RPL3: variants seen among roughly 807,000 people sequenced by gnomAD.
RPL3 encodes the protein large ribosomal subunit protein uL3.
A neutral mutation model predicts 46.0 loss-of-function variants in RPL3; 3 were observed. That is an observed-to-expected ratio of 0.07 (90% CI 0.03 to 0.17). The LOEUF (loss-of-function observed/expected upper bound fraction) is 0.17. Among genes scored for constraint, RPL3 ranks in the 10% least tolerant of loss-of-function variants. The pLI is 1.00. For missense variants in RPL3, 387 were observed against 532.7 expected (o/e 0.73, Z 2.69); for synonymous variants, 224 against 190.8 (o/e 1.17, Z -1.43).
chr22:39,319,477 C>A, intron 1 of RPL3, 118 bp downstream of exon 1: 2 of 1,367,380 alleles, frequency 1.5e-6, no homozygotes, highest in South Asian at 1.3e-5. Context: ...CCCGCTGGGT[C>A]GCCCGTGCCC....
Position 39,317,210 on chromosome 22 carries a change from T to A in RPL3, c.365+251A>T, listed in dbSNP as rs774985345. On this transcript the variant is annotated intron_variant, in intron 3 of 9. Transcript: ENST00000216146. ...TTCTGCTACCTCTCCTGGTTTCTAG[T>A]TGGACTCCTCAACCAACTGGGTCCT... 5 of 575,062 alleles carry A rather than the reference T, an allele frequency of 8.7e-6. No homozygotes were observed. In the Admixed American group the frequency reaches 1.6e-4, roughly 18 times the overall value. 35.6% of individuals were successfully genotyped at this position (575,062 alleles called of 1,614,324 possible). A position where few individuals can be genotyped will look rare whatever the true frequency, so the allele number is the denominator to read the frequency against.
chr22:39,317,644 C>T lies in RPL3; in HGVS notation c.197-15G>A, dbSNP rs772460117. ...CTTGTTCACCTCTGCAAAAAAAAAGCAGTAGTCAGACTTGGCAGGAGCCCA... is the reference window on the plus strand; with the variant it reads ...CTTGTTCACCTCTGCAAAAAAAAAGTAGTAGTCAGACTTGGCAGGAGCCCA... On this transcript the variant is annotated splice_polypyrimidine_tract_variant and intron_variant, in intron 2 of 9. Coordinates refer to ENST00000216146, the MANE Select transcript of RPL3 (RefSeq NM_000967.4). The T allele has an allele frequency of 6.2e-7, 1 of 1,610,878 alleles. No homozygotes were observed. Among genetic ancestry groups the T allele is most frequent in the South Asian group, 1.1e-5 (1 of 90,986 alleles).
rs1922717472 is a variant in RPL3 at position 39,316,719 on chromosome 22, A to G, written c.488T>C (p.Ile163Thr). 6.2e-7 allele frequency: 1 copy of G among 1,612,400 alleles called. No individual in the cohort carries two copies. The highest frequency in any genetic ancestry group is 8.5e-7 in the Non-Finnish European group (1 of 1,179,864). ...CACTGGGCTCACCTGGGTGTGGGCA[A>G]TGACACGGATGACTTGGCAGTACTT... ...MKKYCQVIRV[I>T]AHTQMRLLPL... Residue 163 changes from isoleucine to threonine, a missense_variant, in exon 4 of 10, where the codon ATT becomes ACT. By Grantham distance (89) the Ile-to-Thr change is moderately conservative. Around this residue, in one of 5 missense-constraint regions of RPL3, gnomAD observed 196 missense variants for 217.5 expected, o/e 0.90. Coordinates refer to ENST00000216146, the MANE Select transcript of RPL3 (RefSeq NM_000967.4).
chr22:39,319,214 T>A (rs11912049), intron 1 of RPL3: 27,606 of 531,460 alleles, frequency 0.052, 1,584 homozygotes, highest in African/African-American at 0.21. Context: ...TACCTCCCAA[T>A]GAGAACGGCG....
At chr22:39,313,455 C>G in intron 8 of RPL3, 145 bp from the exon 9 acceptor site, 1 of 1,388,984 alleles carries the variant, frequency 7.2e-7, no homozygotes, top group Non-Finnish European at 1.0e-6. Context: ...CTCAAAGCAG[C>G]AAACAGCCCA....
chr22:39,314,289 C>A, intron 6 of RPL3, 81 bp from the exon 7 acceptor site: 3 of 1,218,844 alleles, frequency 2.5e-6, no homozygotes, highest in Admixed American at 1.7e-5. Context: ...CTGCAAAGCA[C>A]GCTAGAAGGC....
chr22:39,315,091 A>C (rs1813547627), intron 5 of RPL3: 2 of 718,920 alleles, frequency 2.8e-6, no homozygotes, highest in Admixed American at 4.4e-5. Flanking sequence ...ACAGGGACTG[A>C]CTAACATAAT....
intron 2 of RPL3, chr22:39,317,854 C>T (rs1157217669): frequency 5.7e-6 from 3 of 529,320 alleles, no homozygotes; most frequent in Non-Finnish European, 1.0e-5. Context: ...ACCTGTCCAG[C>T]TTCAATTCTC....
chr22:39,317,918 G>C (rs891044094), intron 2 of RPL3: 1 of 439,410 alleles, frequency 2.3e-6, no homozygotes, highest in Admixed American at 3.7e-5. Context: ...GGAAAATTCA[G>C]TGCCCTAACA....
rs143911448 is a variant in RPL3 at position 39,316,777 on chromosome 22, T to G, written c.430A>C (p.Lys144Gln). 124 of 1,614,012 alleles carry G rather than the reference T, an allele frequency of 7.7e-5. No individual in the cohort carries two copies. The East Asian group carries it at 1.4e-3, about 18-fold the overall frequency. The change falls in exon 4 of 10, where the codon AAG becomes CAG. Residue 144 changes from lysine to glutamine, a missense_variant. Physicochemically the swap from Lys to Gln is moderately conservative, Grantham distance 53. Around this residue, in one of 5 missense-constraint regions of RPL3, gnomAD observed 196 missense variants for 217.5 expected, o/e 0.90. Coordinates refer to ENST00000216146, the MANE Select transcript of RPL3 (RefSeq NM_000967.4). The part of the protein sequence containing the change: ...CKKWQDEDGK[K>Q]QLEKDFSSMK... ...CTGCTGAAGTCCTTCTCCAGCTGCT[T>G]CTTGCCATCCTCATCCTGCCATTTC...
intron 1 of RPL3, 22 bp from the exon 2 acceptor site, chr22:39,318,614 G>A (rs768430872): frequency 2.7e-5 from 42 of 1,584,408 alleles, no homozygotes; most frequent in Middle Eastern, 1.7e-4. Flanking sequence ...AAAAATCACC[G>A]TCAGCACCCA....
intron 7 of RPL3, 188 bp from the exon 8 acceptor site, chr22:39,313,917 C>T: frequency 1.2e-6 from 1 of 835,374 alleles, no homozygotes; most frequent in Non-Finnish European, 2.1e-6. Flanking sequence ...ACAGCTGAGC[C>T]TGAGACCCCA....
intron 1 of RPL3, chr22:39,318,878 A>C: frequency 2.3e-6 from 1 of 442,862 alleles, no homozygotes; most frequent in East Asian, 5.1e-5. Flanking sequence ...AGTGGCACTA[A>C]AAACTGCTTA....
intron 2 of RPL3, 196 bp downstream of exon 2, chr22:39,318,204 A>T: frequency 1.7e-6 from 1 of 589,516 alleles, no homozygotes; most frequent in Non-Finnish European, 2.9e-6. Context: ...TAAAGCAAAC[A>T]GTGCTGACCA....
At chr22:39,314,450 G>A in intron 6 of RPL3, 2 of 632,294 alleles carry the variant, frequency 3.2e-6, no homozygotes, top group Non-Finnish European at 2.7e-6. Context: ...GGTGGCATCA[G>A]GGACCAATAA....
intron 2 of RPL3, chr22:39,318,030 CAGGTA>C: frequency 2.9e-6 from 1 of 346,702 alleles, no homozygotes; most frequent in Non-Finnish European, 5.3e-6. Context: ...AGAACACACA[CAGGTA>C]AGTGGCCATT....
At chr22:39,314,316 C>T (rs1329566269) in intron 6 of RPL3, 108 bp from the exon 7 acceptor site, 2 of 941,344 alleles carry the variant, frequency 2.1e-6, no homozygotes, top group Non-Finnish European at 1.7e-6. Context: ...GGCCTCAGTC[C>T]CAGTCACAGC....
chr22:39,313,876 G>C (rs780199697), intron 7 of RPL3, 147 bp from the exon 8 acceptor site: 1 of 893,218 alleles, frequency 1.1e-6, no homozygotes, highest in Admixed American at 1.7e-5. Flanking sequence ...CGGGCGCTGT[G>C]CCCAGCGCAC....
At position 39,312,906 on chromosome 22, in the gene RPL3, G is replaced by A; in HGVS notation, c.*34C>T. The A allele has an allele frequency of 6.2e-7, 1 of 1,613,346 alleles. No individual in the cohort carries two copies. Among genetic ancestry groups the A allele is most frequent in the Non-Finnish European group, 8.5e-7 (1 of 1,179,282 alleles). On this transcript the variant is annotated 3_prime_UTR_variant, in exon 10 of 10. Transcript: ENST00000216146. ...ATGTCAGTGGAAAATAACTTTTATT[G>A]AGACCCCACCAACTGCAAAATCTGT... is the stretch of plus-strand genomic sequence containing the variant.
Sources: allele counts gnomAD v4.1 joint callset, GRCh38; gene constraint gnomAD v4.1.1; regional missense constraint gnomAD v4.1.1; transcripts MANE v1.5; gene names NCBI Gene and HGNC (gene_info 2026-07-23, HGNC 2026-07-21).